The following GALNT11 variants were observed in gnomAD, a reference collection of about 807,000 sequenced individuals.
GALNT11 encodes the protein polypeptide N-acetylgalactosaminyltransferase 11, also known as UDP-GalNAc:polypeptide N-acetylgalactosaminyltransferase 11.
GALNT11 carries 47 observed loss-of-function variants against 72.7 expected under a neutral mutation model. The ratio of observed to expected loss-of-function variants is 0.65; its 90% CI spans 0.51 to 0.82. The LOEUF (loss-of-function observed/expected upper bound fraction) is 0.82, where lower values mean the gene tolerates loss of function less well. Ranked by LOEUF, GALNT11 falls within the 40% of genes least tolerant of loss-of-function variation. The pLI is 0.00. For missense variants in GALNT11, 677 were observed against 778.4 expected (o/e 0.87, Z 1.55); for synonymous variants, 270 against 286.6 (o/e 0.94, Z 0.58).
In GALNT11 at chr7:152,069,002, G is replaced by T. The variant is rs182581449; in HGVS notation, c.-38-25188G>T. Reference sequence around the variant, plus strand: ...GTCACCACACTTATGAACTACAAAAGAATCAAATTGTTCTTCTTTCTCTGG... The same window carrying T: ...GTCACCACACTTATGAACTACAAAATAATCAAATTGTTCTTCTTTCTCTGG... On this transcript the variant is annotated intron_variant, in intron 1 of 11. Coordinates refer to ENST00000430044, the MANE Select transcript of GALNT11 (RefSeq NM_022087.4). Among the ~76,000 whole-genome samples, 488 of 152,278 alleles carry T rather than the reference G, an allele frequency of 3.2e-3. 9 individuals carry two copies. Among genetic ancestry groups the T allele is most frequent in the East Asian group, 0.026 (137 of 5,188 alleles).
chr7:152,072,991 T>A (rs925419593), intron 1 of GALNT11, among the ~76,000 whole-genome samples: 3 of 152,248 alleles, frequency 2.0e-5, no homozygotes, highest in Non-Finnish European at 4.4e-5. Flanking sequence ...GTGTTTACTC[T>A]AGAGTTTACA....
Position 152,080,974 on chromosome 7 carries a change from A to G in GALNT11, c.-38-13216A>G, listed in dbSNP as rs184322854. ...GACAAGAGCGAAACTCTGATTCAGA[A>G]AAACCAAAAAACAAACAAAAAAAAC... is the stretch of plus-strand genomic sequence containing the variant. On this transcript the variant is annotated intron_variant, in intron 1 of 11. Transcript: ENST00000430044. Among the ~76,000 whole-genome samples the G allele has an allele frequency of 1.4e-3, 209 of 152,286 alleles. 1 individual carries two copies. The highest frequency in any genetic ancestry group is 6.8e-3 in the Middle Eastern group (2 of 294).
Position 152,111,644 on chromosome 7 carries a change from A to ATATATATT in GALNT11, c.1080+1000_1080+1001insATATATTT, listed in dbSNP as rs201303779. 3.3e-3 allele frequency among the ~76,000 whole-genome samples: 461 copies of ATATATATT among 139,264 alleles called. 1 individual carries two copies. Among genetic ancestry groups the ATATATATT allele is most frequent in the African/African-American group, 0.012 (439 of 37,250 alleles). The allele number at this position is 139,264 out of a possible 152,430, so 91.4% of individuals were successfully genotyped here. On this transcript the variant is annotated intron_variant, in intron 7 of 11. Transcript: ENST00000430044. Reference sequence around the variant, plus strand: ...TGTGTGTGTGTATATATATATATATATTTTTTTAAATTATAAAAGTATTGT... The same window carrying ATATATATT: ...TGTGTGTGTGTATATATATATATATATATATATTTTTTTTTAAATTATAAAAGTATTGT...
intron 9 of GALNT11, 87 bp downstream of exon 9, chr7:152,117,462 CTG>C: frequency 7.9e-7 from 1 of 1,270,240 alleles, no homozygotes; most frequent in Admixed American, 1.8e-5. Context: ...ACAGGTGACA[CTG>C]TGGACTTAAC....
At chr7:152,037,497 G>A (rs1419026889) in intron 1 of GALNT11, among the ~76,000 whole-genome samples, 1 of 152,118 alleles carries the variant, frequency 6.6e-6, no homozygotes, top group South Asian at 2.1e-4. Flanking sequence ...GTAATTTGGG[G>A]TTAGATAATG....
Position 152,113,384 on chromosome 7 carries a change from T to G in GALNT11, c.1219T>G (p.Leu407Val). 1 of 1,613,778 alleles carries G rather than the reference T, an allele frequency of 6.2e-7. No homozygotes were observed. Among genetic ancestry groups the G allele is most frequent in the Non-Finnish European group, 8.5e-7 (1 of 1,179,886 alleles). The part of the protein sequence containing the change: ...HNSLRLAHVW[L>V]DEYKEQYFSL... ...CTCTTTGCGGCTGGCACATGTCTGG[T>G]TGGATGAATACAAGGTGAGATGAAA... Residue 407 changes from leucine (L) to valine (V), a missense_variant, in exon 8 of 12, where the codon TTG (leucine) becomes GTG (valine). Transcript: ENST00000430044.
chr7:152,118,418 T>C (rs1035410825), intron 9 of GALNT11: 4 of 402,682 alleles, frequency 9.9e-6, no homozygotes, highest in Non-Finnish European at 1.3e-5. Context: ...TTAGTAAACA[T>C]GTATATGTAG....
intron 1 of GALNT11, among the ~76,000 whole-genome samples, chr7:152,067,205 T>C (rs1280402140): frequency 6.6e-6 from 1 of 152,214 alleles, no homozygotes; most frequent in Non-Finnish European, 1.5e-5. Context: ...GGATACATAC[T>C]ATCTGTGCAT....
intron 1 of GALNT11, among the ~76,000 whole-genome samples, chr7:152,061,452 T>C (rs1326725107): frequency 3.3e-5 from 5 of 152,218 alleles, no homozygotes; most frequent in African/African-American, 1.2e-4. Flanking sequence ...GTAGTTTCTT[T>C]TGCTGTGCAG....
intron 10 of GALNT11, 180 bp downstream of exon 10, chr7:152,118,962 C>T (rs561650979): frequency 1.6e-5 from 7 of 431,946 alleles, no homozygotes; most frequent in African/African-American, 2.1e-5. Flanking sequence ...TATCCTAGTG[C>T]TCAAGGTCAC....
chr7:152,095,486 A>G (rs9655564), intron 2 of GALNT11, among the ~76,000 whole-genome samples: 5,694 of 152,242 alleles, frequency 0.037, 366 homozygotes, highest in African/African-American at 0.13. Flanking sequence ...AAATAAAATC[A>G]GTTCTTAGGA....
intron 1 of GALNT11, among the ~76,000 whole-genome samples, chr7:152,029,665 A>C (rs2082210570): frequency 6.6e-6 from 1 of 152,254 alleles, no homozygotes; most frequent in Non-Finnish European, 1.5e-5. Context: ...CAGCTCGCAC[A>C]TTTGAGCAAA....
intron 1 of GALNT11, among the ~76,000 whole-genome samples, chr7:152,034,053 G>C (rs2082436287): frequency 1.3e-5 from 2 of 152,180 alleles, no homozygotes; most frequent in African/African-American, 4.8e-5. Flanking sequence ...TTAAATCAGA[G>C]AGGGAGAAAG....
intron 1 of GALNT11, among the ~76,000 whole-genome samples, chr7:152,055,672 C>T (rs1190872514): frequency 6.6e-6 from 1 of 151,450 alleles, no homozygotes; most frequent in Non-Finnish European, 1.5e-5. Context: ...AGAATTGGTG[C>T]TTATTACTAT....
intron 1 of GALNT11, among the ~76,000 whole-genome samples, chr7:152,035,527 G>A (rs111535337): frequency 0.024 from 3,720 of 152,256 alleles, 78 homozygotes; most frequent in Non-Finnish European, 0.039. Flanking sequence ...TCAGGACCCC[G>A]GAGCTGAATG....
chr7:152,069,774 C>T (rs1452787959), intron 1 of GALNT11, among the ~76,000 whole-genome samples: 3 of 152,100 alleles, frequency 2.0e-5, no homozygotes, highest in African/African-American at 4.8e-5. Context: ...CATCCCTTTA[C>T]TGTTAGCATA....
intron 1 of GALNT11, among the ~76,000 whole-genome samples, chr7:152,063,872 T>G (rs2084156925): frequency 6.6e-6 from 1 of 152,210 alleles, no homozygotes; most frequent in Non-Finnish European, 1.5e-5. Context: ...GAGGAGTACT[T>G]TACTTCCAAC....
At chr7:152,092,656 T>G (rs2086116005) in intron 1 of GALNT11, among the ~76,000 whole-genome samples, 1 of 152,170 alleles carries the variant, frequency 6.6e-6, no homozygotes, top group Non-Finnish European at 1.5e-5. Flanking sequence ...TGGCATAACC[T>G]TGTACAAGAG....
At chr7:152,069,721 A>C (rs1352683267) in intron 1 of GALNT11, among the ~76,000 whole-genome samples, 1 of 152,178 alleles carries the variant, frequency 6.6e-6, no homozygotes, top group Non-Finnish European at 1.5e-5. Flanking sequence ...CAATTACTCC[A>C]GCTTTCTTTT....
Sources: gnomAD v4.1 joint callset for allele counts (sites outside exome capture counted in the v4.1 genomes callset) on GRCh38, gnomAD v4.1.1 for gene constraint, MANE v1.5 for transcripts, NCBI Gene and HGNC (gene_info 2026-07-23, HGNC 2026-07-21) for gene names.